Variants in ANGPT1 observed in about 807,000 individuals in gnomAD.
ANGPT1 encodes the protein angiopoietin 1, also known as angiopoietin-1.
Under a neutral mutation model 62.2 loss-of-function variants are expected in ANGPT1, and 17 were observed. The observed-to-expected ratio is 0.27, with a 90% CI of 0.19 to 0.41. ANGPT1 has a LOEUF of 0.41. ANGPT1 is among the 10% of genes least tolerant of loss of function. The probability of loss-of-function intolerance (pLI) is 1.00; values close to 1 mark genes in which losing one functional copy is unlikely to be tolerated. For synonymous variants in ANGPT1, 199 were observed against 198.9 expected, an observed-to-expected ratio of 1.00 and a Z score of 0.00; for missense variants, 478 against 594.9, an observed-to-expected ratio of 0.80 and a Z score of 2.04.
intron 1 of ANGPT1, among the ~76,000 whole-genome samples, chr8:107,454,908 T>C (rs1371956581): frequency 6.6e-6 from 1 of 152,070 alleles, no homozygotes; most frequent in Non-Finnish European, 1.5e-5. Flanking sequence ...GGTGGAAATG[T>C]CTAGGGTGTA....
intron 7 of ANGPT1, chr8:107,284,461 T>C (rs1814090557): frequency 3.2e-6 from 1 of 309,892 alleles, no homozygotes; most frequent in Non-Finnish European, 5.8e-6. Context: ...CCCTAAAATT[T>C]AAGCCAATAT....
At chr8:107,441,054 G>C (rs551993690) in intron 1 of ANGPT1, among the ~76,000 whole-genome samples, 217 of 144,782 alleles carry the variant, frequency 1.5e-3, no homozygotes, top group African/African-American at 5.2e-3. Context: ...TCATTATCTT[G>C]ATACTTTAAC....
chr8:107,295,457 C>T (rs1814390353), intron 5 of ANGPT1: 1 of 152,078 alleles, frequency 6.6e-6, no homozygotes, highest in Non-Finnish European at 1.5e-5. Flanking sequence ...CATTCTTGGG[C>T]ATCAGTTTTC....
At chr8:107,453,840 A>G (rs1811844793) in intron 1 of ANGPT1, among the ~76,000 whole-genome samples, 1 of 147,750 alleles carries the variant, frequency 6.8e-6, no homozygotes, top group Non-Finnish European at 1.5e-5. Flanking sequence ...GAACAGATGC[A>G]CATAGTATAT....
chr8:107,472,491 T>C (rs1055837310), intron 1 of ANGPT1, among the ~76,000 whole-genome samples: 1 of 152,072 alleles, frequency 6.6e-6, no homozygotes, highest in Non-Finnish European at 1.5e-5. Flanking sequence ...CAACAAACCT[T>C]ATAGGCTAAG....
At chr8:107,471,831 A>G (rs1251643270) in intron 1 of ANGPT1, among the ~76,000 whole-genome samples, 1 of 152,024 alleles carries the variant, frequency 6.6e-6, no homozygotes, top group Non-Finnish European at 1.5e-5. Context: ...GCATACCACA[A>G]CCATACTTGT....
At chr8:107,310,939 GTGTGTGTGTGTATGTA>G (rs1203930770) in intron 4 of ANGPT1, among the ~76,000 whole-genome samples, 2 of 116,698 alleles carry the variant, frequency 1.7e-5, no homozygotes, top group Admixed American at 1.0e-4. Flanking sequence ...TAGTGTGAGT[GTGTGTGTGTGTATGTA>G]TGTGTGTGTG....
chr8:107,292,633 G>A (rs1024895823), intron 6 of ANGPT1, among the ~76,000 whole-genome samples: 3 of 152,086 alleles, frequency 2.0e-5, no homozygotes, highest in South Asian at 4.1e-4. Flanking sequence ...AAGACATCAG[G>A]ATTCCAACTT....
At chr8:107,301,749 C>T (rs1339227658) in intron 5 of ANGPT1, among the ~76,000 whole-genome samples, 2 of 152,010 alleles carry the variant, frequency 1.3e-5, no homozygotes, top group African/African-American at 4.8e-5. Context: ...TTATAGACAA[C>T]ATCAAAGGTA....
At chr8:107,467,092 CA>C (rs777639741) in intron 1 of ANGPT1, among the ~76,000 whole-genome samples, 2 of 151,962 alleles carry the variant, frequency 1.3e-5, no homozygotes, top group Non-Finnish European at 2.9e-5. Context: ...ACAGGTTTGT[CA>C]AGTGTGCAGA....
chr8:107,358,345 G>C (rs553964918), intron 1 of ANGPT1, among the ~76,000 whole-genome samples: 19 of 151,342 alleles, frequency 1.3e-4, no homozygotes, highest in African/African-American at 4.6e-4. Flanking sequence ...AATAATGATT[G>C]CTGACATCTT....
intron 4 of ANGPT1, among the ~76,000 whole-genome samples, chr8:107,310,133 T>G (rs1273569607): frequency 1.3e-5 from 2 of 152,166 alleles, no homozygotes; most frequent in Admixed American, 1.3e-4. Context: ...TTTATGGAAC[T>G]ATAATAATCA....
intron 1 of ANGPT1, among the ~76,000 whole-genome samples, chr8:107,454,420 GA>G (rs542684187): frequency 7.9e-5 from 12 of 152,016 alleles, no homozygotes; most frequent in Non-Finnish European, 1.8e-4. Flanking sequence ...AAGTCACTTA[GA>G]ACAAGTTTTG....
chr8:107,309,227 C>T (rs750544033), intron 4 of ANGPT1, among the ~76,000 whole-genome samples: 5 of 152,012 alleles, frequency 3.3e-5, no homozygotes, highest in South Asian at 2.1e-4. Flanking sequence ...CAGTATTTAC[C>T]GAACATCAGA....
intron 1 of ANGPT1, among the ~76,000 whole-genome samples, chr8:107,374,224 A>G (rs183800014): frequency 1.4e-4 from 21 of 152,354 alleles, no homozygotes; most frequent in Admixed American, 1.2e-3. Flanking sequence ...CAGTCGTAAG[A>G]AAACAGGAGA....
intron 1 of ANGPT1, among the ~76,000 whole-genome samples, chr8:107,424,333 T>C (rs1810981090): frequency 6.6e-6 from 1 of 152,146 alleles, no homozygotes; most frequent in East Asian, 1.9e-4. Flanking sequence ...TTGACTCTGG[T>C]GATAAAATAA....
intron 3 of ANGPT1, among the ~76,000 whole-genome samples, chr8:107,330,982 C>G (rs1815406872): frequency 1.3e-5 from 2 of 152,016 alleles, no homozygotes; most frequent in African/African-American, 4.8e-5. Context: ...AAGAAAAAGA[C>G]TAGAATAATA....
chr8:107,378,429 G>A (rs1196687131), intron 1 of ANGPT1, among the ~76,000 whole-genome samples: 1 of 152,150 alleles, frequency 6.6e-6, no homozygotes, highest in African/African-American at 2.4e-5. Flanking sequence ...ATTATCCTAA[G>A]AGAAAGAAGG....
chr8:107,257,950 CTT>C (rs2130006684), intron 8 of ANGPT1, among the ~76,000 whole-genome samples: 1 of 133,194 alleles, frequency 7.5e-6, no homozygotes, highest in South Asian at 2.5e-4. Flanking sequence ...CTCTCTCTTT[CTT>C]TCTTTCCTTT....
Sources: allele counts gnomAD v4.1 joint callset (sites outside exome capture counted in the v4.1 genomes callset), GRCh38; gene constraint gnomAD v4.1.1; transcripts MANE v1.5; gene names NCBI Gene and HGNC (gene_info 2026-07-23, HGNC 2026-07-21).